The following ANO5 variants were observed in gnomAD, a reference collection of about 807,000 sequenced individuals.
ANO5 encodes the protein anoctamin 5, also known as anoctamin-5.
In ANO5, 109 loss-of-function variants were observed where a neutral mutation model predicts 121.0. The ratio of observed to expected loss-of-function variants is 0.90; its 90% CI spans 0.77 to 1.06. The LOEUF is 1.06. ANO5 is among the 50% of genes least tolerant of loss of function. The pLI is 0.00. For synonymous variants in ANO5, 406 were observed against 359.9 expected (o/e 1.13, Z -1.45); for missense variants, 1,064 against 1,078.5 (o/e 0.99, Z 0.19).
At chr11:22,253,450 T>C (rs1366669565) in intron 12 of ANO5, among the ~76,000 whole-genome samples, 1 of 152,188 alleles carries the variant, frequency 6.6e-6, no homozygotes, top group African/African-American at 2.4e-5. Flanking sequence ...TTTAGCAGTA[T>C]GTATATGACA....
chr11:22,196,848 A>G (rs1851828513), intron 1 of ANO5, among the ~76,000 whole-genome samples: 1 of 152,224 alleles, frequency 6.6e-6, no homozygotes, highest in Non-Finnish European at 1.5e-5. Context: ...TAGCCTGGTG[A>G]CAGAGTGAGA....
At chr11:22,195,773 T>G (rs1851792667) in intron 1 of ANO5, among the ~76,000 whole-genome samples, 1 of 152,176 alleles carries the variant, frequency 6.6e-6, no homozygotes, top group South Asian at 2.1e-4. Flanking sequence ...AATCTATTTA[T>G]GCTTACATGT....
At chr11:22,243,988 C>T (rs549246609) in intron 9 of ANO5, among the ~76,000 whole-genome samples, 13 of 57,474 alleles carry the variant, frequency 2.3e-4, no homozygotes, top group African/African-American at 5.7e-4. Flanking sequence ...ATTGTATAGT[C>T]TCTTTATAGT....
intron 14 of ANO5, among the ~76,000 whole-genome samples, chr11:22,259,030 G>C (rs991446508): frequency 6.6e-6 from 1 of 151,654 alleles, no homozygotes; most frequent in African/African-American, 2.4e-5. Flanking sequence ...CTACTAAGGA[G>C]GCTGAGGCAG....
intron 15 of ANO5, among the ~76,000 whole-genome samples, chr11:22,260,964 G>A (rs1854168094): frequency 6.6e-6 from 1 of 152,114 alleles, no homozygotes; most frequent in African/African-American, 2.4e-5. Flanking sequence ...GCCACTATTT[G>A]CTAATTACAT....
intron 5 of ANO5, among the ~76,000 whole-genome samples, chr11:22,222,618 TTA>T (rs1351445424): frequency 6.6e-6 from 1 of 151,962 alleles, no homozygotes; most frequent in Non-Finnish European, 1.5e-5. Context: ...TTTATTCAGC[TTA>T]TGTCTCGTGG....
Position 22,262,998 on chromosome 11 carries a change from T to G in ANO5, c.1853T>G (p.Met618Arg). Residue 618 changes from methionine to arginine, a missense_variant, in exon 17 of 22, where the codon ATG (methionine) becomes AGG (arginine). By Grantham distance (91) the Met-to-Arg change is moderately conservative. Coordinates refer to ENST00000324559, the MANE Select transcript of ANO5 (RefSeq NM_213599.3). Reference protein sequence around the residue: ...IELTTQLTIIMTGKQIFGNIK... With the variant: ...IELTTQLTIIRTGKQIFGNIK... ...TTGACAACCCAATTGACCATTATAA[T>G]GACCGGGAAACAGATTTTTGGAAAC... The G allele has an allele frequency of 6.2e-7, 1 of 1,613,738 alleles. No homozygotes were observed. The highest frequency in any genetic ancestry group is 8.5e-7 in the Non-Finnish European group (1 of 1,179,810).
intron 9 of ANO5, among the ~76,000 whole-genome samples, chr11:22,244,196 A>T (rs557359858): frequency 6.6e-6 from 1 of 152,158 alleles, no homozygotes; most frequent in South Asian, 2.1e-4. Context: ...ATTCTTGGTT[A>T]GAATTTCTTT....
chr11:22,245,284 T>C (rs1853579616), intron 9 of ANO5, among the ~76,000 whole-genome samples: 1 of 152,192 alleles, frequency 6.6e-6, no homozygotes, highest in Non-Finnish European at 1.5e-5. Context: ...GATGACCCTC[T>C]CTCCTTGCTG....
chr11:22,268,107 G>A (rs1413120494), intron 17 of ANO5, among the ~76,000 whole-genome samples: 1 of 151,934 alleles, frequency 6.6e-6, no homozygotes, highest in Non-Finnish European at 1.5e-5. Flanking sequence ...ATATCTGGTG[G>A]GGCAACATTT....
chr11:22,255,554 A>C (rs771100556), intron 13 of ANO5, 32 bp downstream of exon 13: 81 of 1,609,160 alleles, frequency 5.0e-5, no homozygotes, highest in Non-Finnish European at 6.1e-5. Flanking sequence ...CGGACAGCAT[A>C]TCTCAATGGA....
At chr11:22,235,726 T>C (rs759317291) in intron 7 of ANO5, among the ~76,000 whole-genome samples, 11 of 152,156 alleles carry the variant, frequency 7.2e-5, no homozygotes, top group Non-Finnish European at 1.5e-4. Flanking sequence ...TAAATTCAGA[T>C]ATCAGGTAAA....
chr11:22,249,058 TG>T lies in ANO5; in HGVS notation c.879-1178del, dbSNP rs572408961. Among the ~76,000 whole-genome samples, 27 of 152,146 alleles carry T rather than the reference TG, an allele frequency of 1.8e-4. No individual in the cohort carries two copies. In the South Asian group the frequency reaches 5.6e-3, roughly 32 times the overall value. Reference sequence around the variant, plus strand: ...TGAATGGCAGATTAGCAAGGGAATATGATGGCATTATAATTTAATTTCAAGT... The same window carrying T: ...TGAATGGCAGATTAGCAAGGGAATATATGGCATTATAATTTAATTTCAAGT... On this transcript the variant is annotated intron_variant, in intron 9 of 21. Transcript: ENST00000324559.
At chr11:22,210,653 A>C (rs1852247870) in intron 2 of ANO5, among the ~76,000 whole-genome samples, 1 of 151,870 alleles carries the variant, frequency 6.6e-6, no homozygotes, top group Non-Finnish European at 1.5e-5. Flanking sequence ...AACCTAAGGA[A>C]TTGGGAATCC....
In ANO5 at chr11:22,227,419, C is replaced by A; in HGVS notation, c.481C>A (p.Pro161Thr). 6.2e-7 allele frequency: 1 copy of A among 1,613,486 alleles called. No homozygotes were observed. Among genetic ancestry groups the A allele is most frequent in the Non-Finnish European group, 8.5e-7 (1 of 1,179,760 alleles). Residue 161 changes from proline (P) to threonine (T), a missense_variant, in exon 7 of 22, where the codon CCT (proline) becomes ACT (threonine). Coordinates refer to ENST00000324559, the MANE Select transcript of ANO5 (RefSeq NM_213599.3). Reference sequence around the variant, plus strand: ...TATTAAGGAGAGTGATATTCCCCGCCCTAAGCACACTCCTATAAGCTATGT... The same window carrying A: ...TATTAAGGAGAGTGATATTCCCCGCACTAAGCACACTCCTATAAGCTATGT... ...MPIKESDIPR[P>T]KHTPISYVLG...
intron 18 of ANO5, among the ~76,000 whole-genome samples, chr11:22,271,239 A>G (rs1854601446): frequency 6.6e-6 from 1 of 152,114 alleles, no homozygotes; most frequent in Admixed American, 6.5e-5. Context: ...TATTTTTAGT[A>G]GAGTCGGGGT....
At chr11:22,225,487 C>A (rs1476820901) in intron 5 of ANO5, among the ~76,000 whole-genome samples, 1 of 151,968 alleles carries the variant, frequency 6.6e-6, no homozygotes, top group African/African-American at 2.4e-5. Context: ...AAATGAAGAA[C>A]TAAGCACCCA....
At chr11:22,208,125 T>A (rs978914687) in intron 2 of ANO5, among the ~76,000 whole-genome samples, 1 of 152,066 alleles carries the variant, frequency 6.6e-6, no homozygotes, top group Non-Finnish European at 1.5e-5. Flanking sequence ...TTGGGCAGTT[T>A]CTTAAAAATC....
chr11:22,257,543 T>G (rs535538946), intron 13 of ANO5, 137 bp from the exon 14 acceptor site: 1 of 713,062 alleles, frequency 1.4e-6, no homozygotes, highest in Non-Finnish European at 2.5e-6. Flanking sequence ...ATTCCTATAA[T>G]GTAGCTTTCC....
Sources: allele counts gnomAD v4.1 joint callset (sites outside exome capture counted in the v4.1 genomes callset), GRCh38; gene constraint gnomAD v4.1.1; transcripts MANE v1.5; gene names NCBI Gene and HGNC (gene_info 2026-07-23, HGNC 2026-07-21).